Variants in APOL3 observed in about 807,000 individuals in gnomAD.
APOL3 encodes the protein apolipoprotein L3.
APOL3 carries 14 observed loss-of-function variants against 11.6 expected under a neutral mutation model. The observed-to-expected ratio is 1.21, with a 90% confidence interval of 0.80 to 1.89. APOL3 has a LOEUF of 1.89. Ranked by LOEUF, APOL3 falls within the 40% of genes most tolerant of loss-of-function variation. The pLI is 0.00. For synonymous variants in APOL3, 192 were observed against 190.6 expected, an observed-to-expected ratio of 1.01 and a Z score of -0.06; for missense variants, 483 against 492.1, an observed-to-expected ratio of 0.98 and a Z score of 0.17.
chr22:36,145,543 C>T (rs1173595323), exon 2 of APOL3: 1 of 1,614,194 alleles, frequency 6.2e-7, no homozygotes, highest in Admixed American at 1.7e-5. Context: ...TGCAGATGCA[C>T]TGGGCTGACT....
chr22:36,141,479 G>T (rs1272250785), exon 3 of APOL3: 30 of 1,614,190 alleles, frequency 1.9e-5, no homozygotes, highest in Non-Finnish European at 2.5e-5. Context: ...TTCGCCAGGT[G>T]GTCACAGGGA....
rs132642 is a variant in APOL3, at chr22:36,149,089, A to T, written c.224-3490T>A. 0.85 allele frequency: 1,167,675 copies of T among 1,368,186 alleles called. 499,890 individuals are homozygous for T. Among genetic ancestry groups the T allele is most frequent in the East Asian group, 0.99 (21,830 of 21,986 alleles). 84.8% of individuals were successfully genotyped at this position (1,368,186 alleles called of 1,614,324 possible). A position where few individuals can be genotyped will look rare whatever the true frequency, so the allele number is the denominator to read the frequency against. On this transcript the variant is annotated intron_variant, in intron 1 of 2. An upstream start codon of the reference 5' UTR is lost. Transcript: ENST00000349314. ...CAGCCAGGTCACTGAGAGACTTTCC[A>T]TGGAGCTCTCCAGTCACTGACCTGA...
chr22:36,161,913 G>T (rs1476363423), upstream of APOL3, among the ~76,000 whole-genome samples: 1 of 152,160 alleles, frequency 6.6e-6, no homozygotes, highest in Non-Finnish European at 1.5e-5. Context: ...CAGCAGGCTT[G>T]CAAGACTGCA....
At chr22:36,163,819 C>T (rs779798197), upstream of APOL3, among the ~76,000 whole-genome samples, 1 of 152,228 alleles carries the variant, frequency 6.6e-6, no homozygotes, top group Non-Finnish European at 1.5e-5. Context: ...CAGAGGGCTG[C>T]CCAAACTGAT....
chr22:36,146,219 A>C (rs888238422), intron 1 of APOL3: 1 of 152,154 alleles, frequency 6.6e-6, no homozygotes, highest in Non-Finnish European at 1.5e-5. Flanking sequence ...TTACTAAGGC[A>C]TCCTGAGAAG....
chr22:36,160,769 C>T lies in APOL3; in HGVS notation c.123G>A (p.Glu41=). 4 of 1,614,186 alleles carry T rather than the reference C, an allele frequency of 2.5e-6. No individual in the cohort carries two copies. The highest frequency in any genetic ancestry group is 3.4e-6 in the Non-Finnish European group (4 of 1,180,018). The change falls in exon 1 of 3, where the codon GAG becomes GAA. Residue 41 remains glutamate (E), a synonymous_variant. Transcript: ENST00000349314. Reference sequence around the variant, plus strand: ...CATCTGCATAATAACCAGACACGTTCTCCAGGCTCTGAGATATACCCTGGA... The same window carrying T: ...CATCTGCATAATAACCAGACACGTTTTCCAGGCTCTGAGATATACCCTGGA...
intron 1 of APOL3, among the ~76,000 whole-genome samples, 193 bp from the exon 3 acceptor site, chr22:36,145,792 T>G (rs1052734172): frequency 2.0e-5 from 3 of 152,052 alleles, no homozygotes; most frequent in Non-Finnish European, 2.9e-5. Flanking sequence ...CCCCAGTAAC[T>G]ATATTTGGAG....
Position 36,158,518 on chromosome 22 carries a change from C to T in APOL3, c.223+2151G>A, listed in dbSNP as rs182805199. Among the ~76,000 whole-genome samples the T allele has an allele frequency of 9.9e-5, 15 of 152,190 alleles. No homozygotes were observed. The East Asian group carries it at 2.9e-3, about 29-fold the overall frequency. ...GAGTAGGCGGGTCCCTAACACTATG[C>T]CCATTAAGACTAAGGAATGCGCCTG... On this transcript the variant is annotated intron_variant, in intron 1 of 2. Transcript: ENST00000349314.
chr22:36,145,354 T>G, intron 2 of APOL3, 119 bp downstream of exon 3: 6 of 1,308,034 alleles, frequency 4.6e-6, no homozygotes, highest in Non-Finnish European at 6.3e-6. Flanking sequence ...AGAGGGACAT[T>G]CTCAAGTTCA....
At chr22:36,152,624 G>A (rs79133750) in intron 1 of APOL3, among the ~76,000 whole-genome samples, 1,827 of 152,190 alleles carry the variant, frequency 0.012, 31 homozygotes, top group African/African-American at 0.042. Context: ...ACCATCCTAC[G>A]TAGGCACTGT....
chr22:36,163,034 A>C (rs1470643358), upstream of APOL3, among the ~76,000 whole-genome samples: 3 of 152,206 alleles, frequency 2.0e-5, no homozygotes, highest in Non-Finnish European at 4.4e-5. Flanking sequence ...CTTTTAGAGA[A>C]GGGCTTAGAG....
In APOL3 at chr22:36,160,833, C is replaced by T. The variant is rs1330800838; in HGVS notation, c.59G>A (p.Ser20Asn). 3.1e-6 allele frequency: 5 copies of T among 1,611,544 alleles called. No homozygotes were observed. Among genetic ancestry groups the T allele is most frequent in the Non-Finnish European group, 4.2e-6 (5 of 1,177,604 alleles). Residue 20 changes from serine to asparagine, a missense_variant, in exon 1 of 3, where the codon AGC (serine) becomes AAC (asparagine). Coordinates refer to ENST00000349314, the Ensembl canonical transcript of APOL3. ...AGTGAAAGTCACAACTTGGCAGCAG[C>T]TCCTGATCAAACATGCAAAACAGGA... is the stretch of plus-strand genomic sequence containing the variant.
At chr22:36,164,804 G>C (rs917322170), upstream of APOL3, 5 of 152,108 alleles carry the variant, frequency 3.3e-5, no homozygotes, top group African/African-American at 9.7e-5. Flanking sequence ...CACAATATTG[G>C]TTGGGATCCC....
intron 2 of APOL3, among the ~76,000 whole-genome samples, chr22:36,144,338 C>A (rs1338306178): frequency 2.0e-5 from 3 of 152,116 alleles, no homozygotes; most frequent in African/African-American, 7.2e-5. Context: ...GCCCCTGAAA[C>A]GTCTCTCTGG....
In APOL3 at chr22:36,160,817, C is replaced by T. The variant is rs150975698; in HGVS notation, c.75G>A (p.Val25=). ...GGAACCCAAAAGGGAAAGTGAAAGT[C>T]ACAACTTGGCAGCAGCTCCTGATCA... Residue 25 remains valine (V), a synonymous_variant, in exon 1 of 3, where the codon GTG becomes GTA. Transcript: ENST00000349314. 3.1e-6 allele frequency: 5 copies of T among 1,614,178 alleles called. No homozygotes were observed. In the African/African-American group the frequency reaches 4.0e-5, roughly 13 times the overall value.
chr22:36,160,597 T>G, intron 1 of APOL3, 72 bp downstream of exon 1: 1 of 1,507,352 alleles, frequency 6.6e-7, no homozygotes, highest in Non-Finnish European at 9.2e-7. Flanking sequence ...CTACAAAAGG[T>G]GAATGACCCT....
chr22:36,146,009 T>A (rs132629), intron 1 of APOL3: 1,414 of 119,704 alleles, frequency 0.012, 33 homozygotes, highest in East Asian at 0.091. Context: ...TCTCACACAC[T>A]CACACACACA....
chr22:36,155,355 T>C (rs2012590664), intron 1 of APOL3, among the ~76,000 whole-genome samples: 1 of 152,190 alleles, frequency 6.6e-6, no homozygotes, highest in Non-Finnish European at 1.5e-5. Context: ...GACCCCCTGA[T>C]GCGTTTTCAT....
upstream of APOL3, among the ~76,000 whole-genome samples, chr22:36,162,006 T>C (rs1472535332): frequency 1.3e-5 from 2 of 151,538 alleles, no homozygotes; most frequent in Non-Finnish European, 2.9e-5. Flanking sequence ...TCAGGAAACC[T>C]TCTGGCGGCG....
Sources: allele counts gnomAD v4.1 joint callset (sites outside exome capture counted in the v4.1 genomes callset), GRCh38; gene constraint gnomAD v4.1.1; transcripts MANE v1.5; gene names NCBI Gene and HGNC (gene_info 2026-07-23, HGNC 2026-07-21).